Variants in TCIRG1 observed in about 807,000 individuals in gnomAD.
The protein encoded by TCIRG1 is T cell immune regulator 1, ATPase H+ transporting V0 subunit a3, also known as V-type proton ATPase 116 kDa subunit a 3.
In TCIRG1, 86 loss-of-function variants were observed where a neutral mutation model predicts 95.5. That is an observed-to-expected ratio of 0.90 (90% CI 0.76 to 1.08). The LOEUF (loss-of-function observed/expected upper bound fraction) is 1.08. Among genes scored for constraint, TCIRG1 ranks in the 50% least tolerant of loss-of-function variants. The probability of loss-of-function intolerance (pLI) is 0.00; values close to 1 mark genes in which losing one functional copy is unlikely to be tolerated. For missense variants in TCIRG1, 1,069 were observed against 1,140.2 expected (o/e 0.94, Z 0.90); for synonymous variants, 499 against 501.3 (o/e 1.00, Z 0.06).
Position 68,050,264 on chromosome 11 carries a change from C to G in TCIRG1, c.2236+10C>G. 8 of 1,611,274 alleles carry G rather than the reference C, an allele frequency of 5.0e-6. No individual in the cohort carries two copies. The highest frequency in any genetic ancestry group is 6.8e-6 in the Non-Finnish European group (8 of 1,179,244). On this transcript the variant is annotated intron_variant, in intron 18 of 19. Transcript: ENST00000265686. The stretch of plus-strand genomic sequence containing the variant: ...AGCCTGGCCCACGCCCGTGAGTGAC[C>G]TGGCCACCGACGGCTGGCCCCAGCT...
intron 3 of TCIRG1, 123 bp downstream of exon 3, chr11:68,041,954 G>A: frequency 1.2e-6 from 1 of 855,600 alleles, no homozygotes; most frequent in Non-Finnish European, 1.9e-6. Flanking sequence ...TATATGCAGG[G>A]CCCTGCAGGG....
intron 13 of TCIRG1, chr11:68,048,283 G>A: frequency 2.0e-6 from 1 of 496,302 alleles, no homozygotes; most frequent in South Asian, 2.2e-5. Flanking sequence ...CTGTGGAAGT[G>A]ATTTTCTTTT....
At chr11:68,047,854 C>T (rs757475097) in intron 12 of TCIRG1, 28 bp from the exon 13 acceptor site, 1 of 1,613,036 alleles carries the variant, frequency 6.2e-7, no homozygotes, top group Non-Finnish European at 8.5e-7. Flanking sequence ...ACCCGCAGCC[C>T]TGACCGCCCT....
chr11:68,047,694 C>A lies in TCIRG1; in HGVS notation c.1353C>A (p.Gly451=). ...FRGRYLLLLM[G]LFSIYTGFIY... ...GCCGCTACCTGCTCCTGCTTATGGG[C>A]CTGTTCTCCATCTACACCGGCTTCA... Residue 451 remains glycine (G), a synonymous_variant, in exon 12 of 20, where the codon GGC becomes GGA. Transcript: ENST00000265686. 1 of 1,612,984 alleles carries A rather than the reference C, an allele frequency of 6.2e-7. No individual in the cohort carries two copies. Among genetic ancestry groups the A allele is most frequent in the East Asian group, 2.2e-5 (1 of 44,788 alleles).
At position 68,050,494 on chromosome 11, in the gene TCIRG1, C is replaced by G; in HGVS notation, c.2244C>G (p.Ser748=). 6.2e-7 allele frequency: 1 copy of G among 1,613,270 alleles called. No homozygotes were observed. Among genetic ancestry groups the G allele is most frequent in the Non-Finnish European group, 8.5e-7 (1 of 1,180,000 alleles). ...TGTCTCCTTTGCTTGCAGAGCTGTC[C>G]GAGGTTCTGTGGGCCATGGTGATGC... ...WALSLAHAQL[S]EVLWAMVMRI... Residue 748 remains serine, a synonymous_variant, in exon 19 of 20, where the codon TCC becomes TCG. Coordinates refer to ENST00000265686, the MANE Select transcript of TCIRG1 (RefSeq NM_006019.4).
At position 68,045,012 on chromosome 11, in the gene TCIRG1, C is replaced by T; in HGVS notation, c.1075C>T (p.Pro359Ser). Residue 359 changes from proline (P) to serine (S), a missense_variant, in exon 10 of 20, where the codon CCC becomes TCC. Transcript: ENST00000265686. The stretch of plus-strand genomic sequence containing the variant: ...CCGCATCCCCTGCCGGGACATGCCC[C>T]CCACACTCATCCGCACCAACCGCTT... ...AHRIPCRDMP[P>S]TLIRTNRFTA... 1 of 1,608,710 alleles carries T rather than the reference C, an allele frequency of 6.2e-7. No homozygotes were observed. Among genetic ancestry groups the T allele is most frequent in the Non-Finnish European group, 8.5e-7 (1 of 1,179,998 alleles).
intron 13 of TCIRG1, 157 bp from the exon 14 acceptor site, chr11:68,048,722 A>G (rs1590815101): frequency 4.1e-6 from 3 of 734,098 alleles, no homozygotes. Flanking sequence ...CAGCTGGCCC[A>G]TCTGCGCTCT....
At chr11:68,042,914 G>C (rs775976496) in intron 4 of TCIRG1, 32 bp from the exon 5 acceptor site, 2 of 1,550,592 alleles carry the variant, frequency 1.3e-6, no homozygotes, top group Non-Finnish European at 1.7e-6. Flanking sequence ...GGGCTGTCCA[G>C]CCTAGGGCTC....
rs113612945 is a variant in TCIRG1, at chr11:68,041,896, C to T, written c.196+65C>T. On this transcript the variant is annotated intron_variant, in intron 3 of 19. Coordinates refer to ENST00000265686, the MANE Select transcript of TCIRG1 (RefSeq NM_006019.4). ...GGAGGAGGCATGGGCCAAGTTTGAT[C>T]TGAAAGGAAGAGTCTGGGTTTGCCA... 5.5e-6 allele frequency: 8 copies of T among 1,443,206 alleles called. No homozygotes were observed. In the African/African-American group the frequency reaches 9.8e-5, roughly 18 times the overall value. The allele number at this position is 1,443,206 out of a possible 1,614,324, so 89.4% of individuals were successfully genotyped here. A position where few individuals can be genotyped will look rare whatever the true frequency, so the allele number is the denominator to read the frequency against.
At position 68,042,997 on chromosome 11, in the gene TCIRG1, G is replaced by GC. The variant is rs780755928; in HGVS notation, c.474dup (p.Gly159ArgfsTer68). On this transcript the variant is annotated frameshift_variant, in exon 5 of 20. Coordinates refer to ENST00000265686, the MANE Select transcript of TCIRG1 (RefSeq NM_006019.4). LOFTEE classifies it high-confidence loss of function. ...CTCAGAGAGGACGCCCCTGCTCCAGGCCCCCGGGGGGCCGCACCAGGACCT... is the reference window on the plus strand; with the variant it reads ...CTCAGAGAGGACGCCCCTGCTCCAGGCCCCCCGGGGGGCCGCACCAGGACCT... 6.4e-7 allele frequency: 1 copy of GC among 1,553,140 alleles called. No individual in the cohort carries two copies. Among genetic ancestry groups the GC allele is most frequent in the Admixed American group, 1.9e-5 (1 of 51,778 alleles).
intron 10 of TCIRG1, 27 bp downstream of exon 10, chr11:68,045,129 G>A: frequency 6.3e-7 from 1 of 1,598,948 alleles, no homozygotes. Context: ...CCTTACCCGT[G>A]TCCTGGGAGG....
rs754330634 is a variant in TCIRG1 at position 68,049,932 on chromosome 11, T to C, written c.2014-30T>C. On this transcript the variant is annotated intron_variant, in intron 16 of 19. Coordinates refer to ENST00000265686, the MANE Select transcript of TCIRG1 (RefSeq NM_006019.4). ...GGTGGGGGACCTCCTGGGGCTGGAG[T>C]GCTGCCAACACTGCCTGCTCATGCC... 9 of 1,588,888 alleles carry C rather than the reference T, an allele frequency of 5.7e-6. No homozygotes were observed. The African/African-American group carries it at 1.1e-4, about 19-fold the overall frequency.
intron 13 of TCIRG1, among the ~76,000 whole-genome samples, chr11:68,048,661 G>A (rs1855629316): frequency 6.6e-6 from 1 of 152,184 alleles, no homozygotes; most frequent in South Asian, 2.1e-4. Context: ...ACCTAAAGAA[G>A]AGACTGAGGC....
chr11:68,047,777 C>T lies in TCIRG1; in HGVS notation c.1436C>T (p.Ala479Val), dbSNP rs1855580076. Residue 479 changes from alanine (A) to valine (V), a missense_variant, in exon 12 of 20, where the codon GCC (alanine) becomes GTC (valine). Transcript: ENST00000265686. The part of the protein sequence containing the change: ...TSIFPSGWSV[A>V]AMANQSGWSD... ...ATCTTCCCCTCGGGCTGGAGTGTGG[C>T]CGCCATGGCCAACCAGTCTGGCTGG... 1 of 1,612,988 alleles carries T rather than the reference C, an allele frequency of 6.2e-7. No individual in the cohort carries two copies. Among genetic ancestry groups the T allele is most frequent in the African/African-American group, 1.3e-5 (1 of 74,936 alleles).
downstream of TCIRG1, among the ~76,000 whole-genome samples, chr11:68,051,104 G>A (rs1855781879): frequency 6.6e-6 from 1 of 152,228 alleles, no homozygotes; most frequent in African/African-American, 2.4e-5. Context: ...TGTCTTCCCA[G>A]GCCGGGTCAG....
At chr11:68,048,734 TTGCCCCTCGGTGGG>T in intron 13 of TCIRG1, 131 bp from the exon 14 acceptor site, 1 of 762,238 alleles carries the variant, frequency 1.3e-6, no homozygotes. Context: ...CTGCGCTCTG[TTGCCCCTCGGTGGG>T]TGGGTGATGG....
chr11:68,050,816 C>T lies in TCIRG1; in HGVS notation c.2490C>T (p.Asp830=). 1 of 1,613,228 alleles carries T rather than the reference C, an allele frequency of 6.2e-7. No homozygotes were observed. Among genetic ancestry groups the T allele is most frequent in the South Asian group, 1.1e-5 (1 of 91,088 alleles). ...LSPFTFAATD[D] ...CCTTCACCTTCGCTGCCACAGATGA[C>T]TAGGGCCCACTGCAGGTCCTGCCAG... is the stretch of plus-strand genomic sequence containing the variant. Residue 830 remains aspartate (D), a synonymous_variant, in exon 20 of 20, where the codon GAC becomes GAT. Transcript: ENST00000265686.
chr11:68,042,239 T>C (rs960913223), intron 3 of TCIRG1, among the ~76,000 whole-genome samples: 1 of 152,180 alleles, frequency 6.6e-6, no homozygotes, highest in Non-Finnish European at 1.5e-5. Flanking sequence ...ACCCCTGCCC[T>C]GGGCAACCCC....
At chr11:68,040,252 C>T (rs1051339789) in intron 1 of TCIRG1, among the ~76,000 whole-genome samples, 37 of 152,128 alleles carry the variant, frequency 2.4e-4, no homozygotes, top group African/African-American at 8.7e-4. Context: ...CCCAAGGTCA[C>T]ACACCCAATC....
Sources: allele counts gnomAD v4.1 joint callset (sites outside exome capture counted in the v4.1 genomes callset), GRCh38; gene constraint gnomAD v4.1.1; transcripts MANE v1.5; gene names NCBI Gene and HGNC (gene_info 2026-07-23, HGNC 2026-07-21).